The following IL34 variants were observed in gnomAD, a reference collection of about 807,000 sequenced individuals.
IL34 encodes the protein interleukin-34.
Under a neutral mutation model 25.3 loss-of-function variants are expected in IL34, and 17 were observed. The ratio of observed to expected loss-of-function variants is 0.67; its 90% confidence interval spans 0.46 to 1.01. The LOEUF is 1.01. IL34 is among the 50% of genes least tolerant of loss of function. The pLI is 0.00. For synonymous variants in IL34, 174 were observed against 140.9 expected (o/e 1.23, Z -1.66); for missense variants, 368 against 312.9 (o/e 1.18, Z -1.33).
chr16:70,622,400 A>G (rs1370501350), intron 1 of IL34, among the ~76,000 whole-genome samples: 15 of 152,052 alleles, frequency 9.9e-5, no homozygotes. Context: ...GTAGAACAGC[A>G]GATGGAACAC....
chr16:70,631,526 T>C (rs1228566512), intron 1 of IL34, among the ~76,000 whole-genome samples: 4 of 152,236 alleles, frequency 2.6e-5, no homozygotes, highest in African/African-American at 7.2e-5. Context: ...TATCCTGTTA[T>C]ACTCAGCTTT....
chr16:70,638,079 T>A (rs2051696270), intron 1 of IL34, among the ~76,000 whole-genome samples: 1 of 152,228 alleles, frequency 6.6e-6, no homozygotes, highest in African/African-American at 2.4e-5. Flanking sequence ...TTCTCCATAC[T>A]ACAAATCAGT....
At chr16:70,633,410 T>C (rs2051564104) in intron 1 of IL34, among the ~76,000 whole-genome samples, 1 of 149,590 alleles carries the variant, frequency 6.7e-6, no homozygotes, top group African/African-American at 2.4e-5. Context: ...AGCACCACCA[T>C]GCCTGGCTAA....
At chr16:70,597,009 C>T (rs1412499733) in intron 1 of IL34, among the ~76,000 whole-genome samples, 1 of 152,112 alleles carries the variant, frequency 6.6e-6, no homozygotes, top group South Asian at 2.1e-4. Context: ...TAGAGGCCGT[C>T]CCCAGCTCAA....
At chr16:70,631,406 G>GA (rs59619814) in intron 1 of IL34, among the ~76,000 whole-genome samples, 43,164 of 151,922 alleles carry the variant, frequency 0.28, 6,403 homozygotes, top group South Asian at 0.45. Flanking sequence ...CATGGAGTTA[G>GA]AAAAAACTAC....
At chr16:70,658,493 G>GT (rs963974137) in intron 4 of IL34, among the ~76,000 whole-genome samples, 19 of 151,040 alleles carry the variant, frequency 1.3e-4, no homozygotes, top group African/African-American at 3.4e-4. Context: ...GGCTTTTTTT[G>GT]TTTTTTTGAG....
chr16:70,582,733 G>C (rs761402273), intron 1 of IL34, among the ~76,000 whole-genome samples: 28 of 152,244 alleles, frequency 1.8e-4, no homozygotes, highest in South Asian at 4.1e-4. Flanking sequence ...CACTGATTGG[G>C]TTGGCCAGCC....
intron 1 of IL34, among the ~76,000 whole-genome samples, chr16:70,594,759 A>G (rs1210364538): frequency 1.3e-5 from 2 of 152,118 alleles, no homozygotes; most frequent in Non-Finnish European, 2.9e-5. Context: ...GCTACTGCTC[A>G]AGGCCAGAGG....
chr16:70,629,657 A>G (rs1170870996), intron 1 of IL34, among the ~76,000 whole-genome samples: 2 of 152,022 alleles, frequency 1.3e-5, no homozygotes, highest in Admixed American at 6.6e-5. Flanking sequence ...ATGTCTGTAC[A>G]TGTTCAGTAC....
intron 1 of IL34, among the ~76,000 whole-genome samples, chr16:70,636,654 T>C (rs8061854): frequency 0.44 from 65,635 of 150,676 alleles, 14,472 homozygotes; most frequent in South Asian, 0.64. Flanking sequence ...TGATTGAGTG[T>C]ACCTGTGGTC....
At chr16:70,613,536 G>A (rs1253043543) in intron 1 of IL34, among the ~76,000 whole-genome samples, 1 of 152,152 alleles carries the variant, frequency 6.6e-6, no homozygotes, top group East Asian at 1.9e-4. Flanking sequence ...TCAAAGTGTG[G>A]TCTGCAGACC....
At chr16:70,607,743 G>C (rs985092680) in intron 1 of IL34, among the ~76,000 whole-genome samples, 65 of 151,784 alleles carry the variant, frequency 4.3e-4, no homozygotes, top group Middle Eastern at 3.4e-3. Context: ...ATGACCATGT[G>C]GTTTTTCTTT....
intron 1 of IL34, among the ~76,000 whole-genome samples, chr16:70,581,047 G>A (rs1236585929): frequency 1.3e-5 from 2 of 151,764 alleles, no homozygotes; most frequent in Non-Finnish European, 2.9e-5. Context: ...GAGTAGCTGG[G>A]ATTACAGGCA....
chr16:70,654,692 T>C (rs778254473), intron 2 of IL34, 21 bp downstream of exon 2: 2 of 1,588,030 alleles, frequency 1.3e-6, no homozygotes, highest in East Asian at 4.5e-5. Flanking sequence ...GGGCACCAGC[T>C]GTGTCCCTGT....
chr16:70,612,086 C>T (rs1213522404), intron 1 of IL34, among the ~76,000 whole-genome samples: 2 of 152,168 alleles, frequency 1.3e-5, no homozygotes, highest in South Asian at 4.1e-4. Context: ...CATGTGAAGC[C>T]CAAAGCCTGT....
chr16:70,603,054 G>A (rs1390352890), intron 1 of IL34, among the ~76,000 whole-genome samples: 1 of 151,872 alleles, frequency 6.6e-6, no homozygotes, highest in Non-Finnish European at 1.5e-5. Flanking sequence ...TAGTTTTTCC[G>A]TGAGCATCTC....
At chr16:70,614,171 A>G (rs2051138278) in intron 1 of IL34, among the ~76,000 whole-genome samples, 1 of 145,866 alleles carries the variant, frequency 6.9e-6, no homozygotes, top group African/African-American at 2.6e-5. Flanking sequence ...GCAATGGAGC[A>G]AAACCCTGTC....
upstream of IL34, among the ~76,000 whole-genome samples, chr16:70,645,120 AG>A (rs1276337285): frequency 2.5e-5 from 3 of 118,792 alleles, no homozygotes; most frequent in Non-Finnish European, 5.6e-5. Context: ...GAGGAAGAAG[AG>A]GGAGGAAGGA....
chr16:70,656,841 C>T (rs2052236753), intron 3 of IL34, 119 bp from the exon 4 acceptor site: 1 of 1,211,442 alleles, frequency 8.3e-7, no homozygotes, highest in Admixed American at 1.8e-5. Flanking sequence ...TGTTTGTCCA[C>T]TGTCCACAGC....
Sources: gnomAD v4.1 joint callset for allele counts (sites outside exome capture counted in the v4.1 genomes callset) on GRCh38, gnomAD v4.1.1 for gene constraint, MANE v1.5 for transcripts, NCBI Gene and HGNC (gene_info 2026-07-23, HGNC 2026-07-21) for gene names.